Variants in CDIPT observed in about 807,000 individuals in gnomAD.
CDIPT encodes the protein CDP-diacylglycerol--inositol 3-phosphatidyltransferase.
A neutral mutation model predicts 21.6 loss-of-function variants in CDIPT; 17 were observed. That is an observed-to-expected ratio of 0.79 (90% CI 0.54 to 1.18). The LOEUF (loss-of-function observed/expected upper bound fraction) is 1.18, where lower values mean the gene tolerates loss of function less well. Ranked by LOEUF, CDIPT falls within the 50% of genes most tolerant of loss-of-function variation. The pLI, the probability that CDIPT is intolerant of heterozygous loss-of-function variation, is 0.00. For synonymous variants in CDIPT, 119 were observed against 117.9 expected (o/e 1.01, Z -0.06); for missense variants, 254 against 284.9 (o/e 0.89, Z 0.78).
Position 29,859,578 on chromosome 16 carries a change from T to G in CDIPT, c.415-55A>C, listed in dbSNP as rs2067663103. The stretch of plus-strand genomic sequence containing the variant: ...CAAGAGGCAGGCGTGTGCCACCCCC[T>G]GCCCCCCCAGCACTAATGAAGGCAC... On this transcript the variant is annotated intron_variant, in intron 4 of 5. Transcript: ENST00000219789. This position sits in a 1 kb window ranked among gnomAD's most constrained non-coding sequence, Gnocchi z 4.5. The G allele has an allele frequency of 8.5e-7, 1 of 1,176,924 alleles. No homozygotes were observed. Among genetic ancestry groups the G allele is most frequent in the Non-Finnish European group, 1.3e-6 (1 of 789,446 alleles). 72.9% of individuals were successfully genotyped at this position (1,176,924 alleles called of 1,614,324 possible).
At position 29,858,942 on chromosome 16, in the gene CDIPT, G is replaced by GC; in HGVS notation, c.*246_*247insG. On this transcript the variant is annotated 3_prime_UTR_variant, in exon 6 of 6. Transcript: ENST00000219789. ...AGCAGGCAGGGTGTGACACTGCCCG[G>GC]TCCCGGCACCCCAGGAGCACCGCCT... The GC allele has an allele frequency of 1.8e-6, 1 of 552,230 alleles. No individual in the cohort carries two copies. Among genetic ancestry groups the GC allele is most frequent in the Non-Finnish European group, 3.2e-6 (1 of 309,194 alleles). 34.2% of individuals were successfully genotyped at this position (552,230 alleles called of 1,614,324 possible).
At position 29,860,626 on chromosome 16, in the gene CDIPT, G is replaced by A. The variant is rs201573714; in HGVS notation, c.369C>T (p.Ile123=). 1.2e-5 allele frequency: 20 copies of A among 1,613,108 alleles called. No individual in the cohort carries two copies. The African/African-American group carries it at 1.5e-4, about 12-fold the overall frequency. The change falls in exon 4 of 6, where the codon ATC becomes ATT. Residue 123 remains isoleucine (I), a synonymous_variant. Coordinates refer to ENST00000219789, the MANE Select transcript of CDIPT (RefSeq NM_006319.5). The part of the protein sequence containing the change: ...VVRGSESHKM[I]DLSGNPVLRI... ...GAAGCACCGGATTCCCGGACAAGTC[G>A]ATCATCTTGTGACTCTCACTGCCTC... is the stretch of plus-strand genomic sequence containing the variant.
At chr16:29,860,998 G>A in intron 3 of CDIPT, 108 bp downstream of exon 3, 1 of 1,081,562 alleles carries the variant, frequency 9.2e-7, no homozygotes, top group Non-Finnish European at 1.4e-6. Context: ...AGCTAAAAAG[G>A]AGCCCTTCCA....
In CDIPT at chr16:29,861,107, T is replaced by G. The variant is rs755972951; in HGVS notation, c.331A>C (p.Ser111Arg). ...DVASHWLHLH[S>R]SVVRGSESHK... ...CAGGCCCCCAGAATCGCAGCAGACC[T>G]GTGGAGGTGCAGCCAGTGACTGGCC... Residue 111 changes from serine to arginine, a missense_variant and splice_region_variant, in exon 3 of 6, where the codon AGT (serine) becomes CGT (arginine). Physicochemically the swap from Ser to Arg is moderately radical, Grantham distance 110. Transcript: ENST00000219789. 1 of 1,614,042 alleles carries G rather than the reference T, an allele frequency of 6.2e-7. No homozygotes were observed. Among genetic ancestry groups the G allele is most frequent in the Admixed American group, 1.7e-5 (1 of 60,016 alleles).
intron 2 of CDIPT, chr16:29,861,558 G>A: frequency 6.7e-7 from 1 of 1,485,398 alleles, no homozygotes; most frequent in Non-Finnish European, 9.1e-7. Context: ...TGATGCCTCA[G>A]GGGAAGCCTT....
Position 29,862,008 on chromosome 16 carries a change from G to A in CDIPT, c.178+578C>T, listed in dbSNP as rs184839571. ...GGCCTCCCAAAGTGCTGGGATTACA[G>A]GCGTGAGCCACCGCCCCTGGCCTGA... On this transcript the variant is annotated intron_variant, in intron 2 of 5. Transcript: ENST00000219789. The surrounding 1 kb of genome is among the most constrained non-coding windows in gnomAD (Gnocchi z 6.7). Among the ~76,000 whole-genome samples the A allele has an allele frequency of 4.3e-4, 66 of 152,328 alleles. No individual in the cohort carries two copies. The highest frequency in any genetic ancestry group is 4.0e-3 in the Admixed American group (61 of 15,302).
chr16:29,860,340 C>A lies in CDIPT; in HGVS notation c.414+241G>T, dbSNP rs1004371785. ...CCTGCAGACCTCTCTGGCTTATCTCCCTTCCCGCTTTCAGTCCCTTCTCTT... is the reference window on the plus strand; with the variant it reads ...CCTGCAGACCTCTCTGGCTTATCTCACTTCCCGCTTTCAGTCCCTTCTCTT... On this transcript the variant is annotated intron_variant, in intron 4 of 5. Transcript: ENST00000219789. Among the ~76,000 whole-genome samples the A allele has an allele frequency of 3.9e-5, 6 of 152,324 alleles. No homozygotes were observed. In the East Asian group the frequency reaches 9.6e-4, roughly 24 times the overall value.
chr16:29,861,503 A>G lies in CDIPT; in HGVS notation c.179-244T>C, dbSNP rs751100455. 7 of 1,535,094 alleles carry G rather than the reference A, an allele frequency of 4.6e-6. No individual in the cohort carries two copies. In the South Asian group the frequency reaches 8.3e-5, roughly 18 times the overall value. On this transcript the variant is annotated intron_variant, in intron 2 of 5. Coordinates refer to ENST00000219789, the MANE Select transcript of CDIPT (RefSeq NM_006319.5). ...AGGAGGAGAGGAAAGCTATGTCTGC[A>G]ACTCATCAACCCCAGAACCAAGACT... is the stretch of plus-strand genomic sequence containing the variant.
intron 2 of CDIPT, chr16:29,861,804 GCTCACTGCAACCTCCGC>G (rs1244578974): frequency 3.1e-6 from 1 of 323,648 alleles, no homozygotes; most frequent in Non-Finnish European, 5.8e-6. Context: ...CGCAATCTTG[GCTCACTGCAACCTCCGC>G]CTCCCGGGTT....
chr16:29,860,855 C>T, intron 3 of CDIPT, 193 bp from the exon 4 acceptor site: 1 of 621,516 alleles, frequency 1.6e-6, no homozygotes. Context: ...CATGCCCCTT[C>T]CTATAAGCTG....
Position 29,859,327 on chromosome 16 carries a change from A to G in CDIPT, c.504T>C (p.Ser168=). The change falls in exon 6 of 6, where the codon TCT becomes TCC. Residue 168 remains serine, a synonymous_variant. Transcript: ENST00000219789. The surrounding 1 kb of genome is among the most constrained non-coding windows in gnomAD (Gnocchi z 4.5). The part of the protein sequence containing the change: ...FHFSEGPLVG[S]VGLFRMGLWV... The stretch of plus-strand genomic sequence containing the variant: ...AGAGGCCCATCCGGAACAGTCCCAC[A>G]GAGCCAACTGCAGGAAGGCAGCAGG... The G allele has an allele frequency of 6.4e-7, 1 of 1,566,022 alleles. No homozygotes were observed. The highest frequency in any genetic ancestry group is 8.7e-7 in the Non-Finnish European group (1 of 1,155,004).
intron 2 of CDIPT, chr16:29,861,643 C>T (rs2067683700): frequency 2.8e-6 from 2 of 726,556 alleles, no homozygotes; most frequent in South Asian, 3.8e-5. Flanking sequence ...CTCCATCCTC[C>T]CTCTAAGCAT....
At position 29,861,239 on chromosome 16, in the gene CDIPT, G is replaced by A; in HGVS notation, c.199C>T (p.Leu67=). 1 of 1,614,216 alleles carries A rather than the reference G, an allele frequency of 6.2e-7. No individual in the cohort carries two copies. Among genetic ancestry groups the A allele is most frequent in the Non-Finnish European group, 8.5e-7 (1 of 1,180,050 alleles). The part of the protein sequence containing the change: ...LNQGTRFGAM[L]DMLTDRCSTM... Reference sequence around the variant, plus strand: ...GAGCAGCGGTCCGTCAGCATGTCCAGCATGGCCCCAAACCGGGTTCCTGGA... The same window carrying A: ...GAGCAGCGGTCCGTCAGCATGTCCAACATGGCCCCAAACCGGGTTCCTGGA... The change falls in exon 3 of 6, where the codon CTG becomes TTG. Residue 67 remains leucine, a synonymous_variant. Transcript: ENST00000219789.
Position 29,859,176 on chromosome 16 carries a change from C to G in CDIPT, c.*13G>C, listed in dbSNP as rs776875507. 93 of 1,589,116 alleles carry G rather than the reference C, an allele frequency of 5.9e-5. No homozygotes were observed. Among genetic ancestry groups the G allele is most frequent in the Non-Finnish European group, 7.7e-5 (90 of 1,170,222 alleles). On this transcript the variant is annotated 3_prime_UTR_variant, in exon 6 of 6. Transcript: ENST00000219789. The surrounding 1 kb of genome is among the most constrained non-coding windows in gnomAD (Gnocchi z 4.5). Reference sequence around the variant, plus strand: ...CCAGGGCAGGTGGGCAGCCAGGACCCGGGGCTCCAGCGTCACTTCTTCTTG... The same window carrying G: ...CCAGGGCAGGTGGGCAGCCAGGACCGGGGGCTCCAGCGTCACTTCTTCTTG...
Position 29,859,237 on chromosome 16 carries a change from G to T in CDIPT, c.594C>A (p.Ala198=), listed in dbSNP as rs768718112. ...LISVIHLITA[A]RNMAALDAAD... ...CTGCGTCCAGGGCAGCCATGTTGCG[G>T]GCGGCCGTGATCAGGTGGATGACGC... The change falls in exon 6 of 6, where the codon GCC becomes GCA. Residue 198 remains alanine, a synonymous_variant. Coordinates refer to ENST00000219789, the MANE Select transcript of CDIPT (RefSeq NM_006319.5). The surrounding 1 kb of genome is among the most constrained non-coding windows in gnomAD (Gnocchi z 4.5). 1 of 1,595,910 alleles carries T rather than the reference G, an allele frequency of 6.3e-7. No homozygotes were observed. Among genetic ancestry groups the T allele is most frequent in the African/African-American group, 1.3e-5 (1 of 74,750 alleles).
intron 2 of CDIPT, chr16:29,861,813 A>G: frequency 3.3e-6 from 1 of 299,920 alleles, no homozygotes; most frequent in Middle Eastern, 1.1e-3. Context: ...GGCTCACTGC[A>G]ACCTCCGCCT....
At chr16:29,860,979 AC>A (rs1279202524) in intron 3 of CDIPT, 126 bp downstream of exon 3, 28 of 905,778 alleles carry the variant, frequency 3.1e-5, no homozygotes, top group Non-Finnish European at 5.1e-6. Context: ...GGGTCTTTCT[AC>A]AAAGCAGAGC....
At position 29,859,280 on chromosome 16, in the gene CDIPT, A is replaced by G; in HGVS notation, c.551T>C (p.Leu184Ser). ...MGLWVTAPIA[L>S]LKSLISVIHL... ...GATGACGCTGATGAGCGACTTCAGCAAGGCGATGGGGGCAGTGACCCAGAG... is the reference window on the plus strand; with the variant it reads ...GATGACGCTGATGAGCGACTTCAGCGAGGCGATGGGGGCAGTGACCCAGAG... The change falls in exon 6 of 6, where the codon TTG becomes TCG. Residue 184 changes from leucine (L) to serine (S), a missense_variant. Transcript: ENST00000219789. This position sits in a 1 kb window ranked among gnomAD's most constrained non-coding sequence, Gnocchi z 4.5. 6.3e-7 allele frequency: 1 copy of G among 1,580,616 alleles called. No individual in the cohort carries two copies. The highest frequency in any genetic ancestry group is 8.6e-7 in the Non-Finnish European group (1 of 1,163,410).
Position 29,860,497 on chromosome 16 carries a change from C to G in CDIPT, c.414+84G>C, listed in dbSNP as rs1052259435. The G allele has an allele frequency of 3.5e-5, 32 of 915,544 alleles. No individual in the cohort carries two copies. In the East Asian group the frequency reaches 8.0e-4, roughly 23 times the overall value. The allele number at this position is 915,544 out of a possible 1,614,324, so 56.7% of individuals were successfully genotyped here. The stretch of plus-strand genomic sequence containing the variant: ...GGCAGGCCCTGCTCTGCGCCCTCGC[C>G]TTCTCCTAGGCTAGGACCAGGATTC... On this transcript the variant is annotated intron_variant, in intron 4 of 5. Transcript: ENST00000219789.
Sources: allele counts gnomAD v4.1 joint callset (sites outside exome capture counted in the v4.1 genomes callset), GRCh38; gene constraint gnomAD v4.1.1; non-coding constraint Gnocchi (gnomAD v3.1); transcripts MANE v1.5; gene names NCBI Gene and HGNC (gene_info 2026-07-23, HGNC 2026-07-21).